Variants in TRRAP observed in about 807,000 individuals in gnomAD.
The protein encoded by TRRAP is transformation/transcription domain associated protein.
In TRRAP, 41 loss-of-function variants were observed where a neutral mutation model predicts 438.8. The ratio of observed to expected loss-of-function variants is 0.09; its 90% CI spans 0.07 to 0.12. The LOEUF (loss-of-function observed/expected upper bound fraction) is 0.12. Ranked by LOEUF, TRRAP falls within the 10% of genes least tolerant of loss-of-function variation. The pLI, the probability that TRRAP is intolerant of heterozygous loss-of-function variation, is 1.00. For synonymous variants in TRRAP, 1,994 were observed against 1,962.9 expected, an observed-to-expected ratio of 1.02 and a Z score of -0.42; for missense variants, 3,122 against 5,055.1, an observed-to-expected ratio of 0.62 and a Z score of 11.60.
intron 3 of TRRAP, among the ~76,000 whole-genome samples, chr7:98,883,395 T>C (rs908518482): frequency 1.2e-4 from 18 of 152,248 alleles, no homozygotes; most frequent in South Asian, 2.1e-4. Flanking sequence ...TCTTCTCTTA[T>C]GTTTTGAACA....
intron 17 of TRRAP, 25 bp downstream of exon 17, chr7:98,911,296 G>T: frequency 6.4e-7 from 1 of 1,561,578 alleles, no homozygotes; most frequent in Non-Finnish European, 8.7e-7. Context: ...TTTTTATGTT[G>T]TTTGAACATT....
chr7:98,902,332 G>GA (rs1277691160), intron 11 of TRRAP, among the ~76,000 whole-genome samples: 1 of 151,928 alleles, frequency 6.6e-6, no homozygotes, highest in Non-Finnish European at 1.5e-5. Flanking sequence ...GAACTTGAAG[G>GA]AAAAAATACC....
At chr7:98,900,897 G>T (rs577718424) in intron 11 of TRRAP, among the ~76,000 whole-genome samples, 177 bp downstream of exon 11, 1 of 152,154 alleles carries the variant, frequency 6.6e-6, no homozygotes, top group African/African-American at 2.4e-5. Context: ...TTTGTTGTCA[G>T]TTTCTTCCCA....
chr7:98,964,977 G>A (rs954600952), intron 48 of TRRAP, among the ~76,000 whole-genome samples: 6 of 152,216 alleles, frequency 3.9e-5, no homozygotes, highest in Non-Finnish European at 7.3e-5. Flanking sequence ...ATTAAGCTGG[G>A]TACGGTGGCA....
chr7:98,883,579 A>G (rs1554403494), intron 3 of TRRAP, among the ~76,000 whole-genome samples: 3 of 152,068 alleles, frequency 2.0e-5, no homozygotes, highest in African/African-American at 7.2e-5. Context: ...CAGTGGTACA[A>G]TTTCAGCTCA....
At chr7:98,969,301 C>T (rs534572000) in intron 51 of TRRAP, among the ~76,000 whole-genome samples, 1 of 152,320 alleles carries the variant, frequency 6.6e-6, no homozygotes, top group African/African-American at 2.4e-5. Flanking sequence ...CCATCTCATC[C>T]CTCTCCCTCC....
At position 98,908,791 on chromosome 7, in the gene TRRAP, C is replaced by T. The variant is rs199527320; in HGVS notation, c.1179C>T (p.Ser393=). The change falls in exon 14 of 73, where the codon AGC becomes AGT. Residue 393 remains serine, a synonymous_variant. Coordinates refer to ENST00000456197, the MANE Select transcript of TRRAP (RefSeq NM_001375524.1). The surrounding 1 kb of genome is among the most constrained non-coding windows in gnomAD (Gnocchi z 4.1). ...ATGTCCGCCAGCACCTGCCCCTCAG[C>T]GACCTCTCCCTCGCCGTCCAGCTCT... ...VHHVRQHLPL[S]DLSLAVQLFA... is the part of the protein sequence containing the mutation. 9.4e-6 allele frequency: 15 copies of T among 1,591,730 alleles called. No individual in the cohort carries two copies. Among genetic ancestry groups the T allele is most frequent in the East Asian group, 2.3e-5 (1 of 43,758 alleles).
intron 61 of TRRAP, 32 bp from the exon 62 acceptor site, chr7:98,984,912 G>T: frequency 6.8e-7 from 1 of 1,468,406 alleles, no homozygotes; most frequent in African/African-American, 1.4e-5. Flanking sequence ...GAAATTTCAA[G>T]AACTTTTTTT....
At position 98,994,173 on chromosome 7, in the gene TRRAP, G is replaced by A. The variant is rs1302857113; in HGVS notation, c.10048-414G>A. Reference sequence around the variant, plus strand: ...ATGACAGAATAGTCCACGCCTCACTGCCCAGATGCTTACCTGGTTGAGCCC... The same window carrying A: ...ATGACAGAATAGTCCACGCCTCACTACCCAGATGCTTACCTGGTTGAGCCC... On this transcript the variant is annotated intron_variant, in intron 66 of 72. Coordinates refer to ENST00000456197, the MANE Select transcript of TRRAP (RefSeq NM_001375524.1). This position sits in a 1 kb window ranked among gnomAD's most constrained non-coding sequence, Gnocchi z 4.8. Among the ~76,000 whole-genome samples the A allele has an allele frequency of 6.6e-6, 1 of 152,148 alleles. No individual in the cohort carries two copies. Among genetic ancestry groups the A allele is most frequent in the Non-Finnish European group, 1.5e-5 (1 of 68,030 alleles).
intron 28 of TRRAP, 82 bp from the exon 29 acceptor site, chr7:98,937,074 A>G (rs1365858132): frequency 6.9e-7 from 1 of 1,454,528 alleles, no homozygotes; most frequent in Non-Finnish European, 9.1e-7. Context: ...CCAAATAATA[A>G]TAATAAATAA....
At chr7:98,902,118 T>A (rs1291914036) in intron 11 of TRRAP, among the ~76,000 whole-genome samples, 4 of 152,260 alleles carry the variant, frequency 2.6e-5, no homozygotes, top group Non-Finnish European at 5.9e-5. Flanking sequence ...ACATGCAGAT[T>A]TTTGTATGGA....
Position 98,949,534 on chromosome 7 carries a change from CCCAGCA to C in TRRAP, c.4916_4921del (p.Ser1639_Thr1640del), listed in dbSNP as rs782137438. On this transcript the variant is annotated inframe_deletion, in exon 36 of 73. Coordinates refer to ENST00000456197, the MANE Select transcript of TRRAP (RefSeq NM_001375524.1). ...CCAGACGGCTGTGCGCCCCGGTTCG[CCCAGCA>C]CCAGCACCATGCGCCTGGACCTCCA... The C allele has an allele frequency of 4.4e-6, 7 of 1,603,026 alleles. No homozygotes were observed. The highest frequency in any genetic ancestry group is 3.3e-4 in the Middle Eastern group (2 of 6,004).
chr7:98,880,554 G>A (rs1251740062), intron 1 of TRRAP, among the ~76,000 whole-genome samples: 1 of 152,062 alleles, frequency 6.6e-6, no homozygotes, highest in Non-Finnish European at 1.5e-5. Context: ...GAGCCACTGC[G>A]CCTGGCCTGC....
Position 98,945,986 on chromosome 7 carries a change from T to C in TRRAP, c.4548+36T>C, listed in dbSNP as rs782446295. The C allele has an allele frequency of 6.3e-6, 9 of 1,417,640 alleles. No homozygotes were observed. In the Admixed American group the frequency reaches 2.1e-4, roughly 34 times the overall value. 87.8% of individuals were successfully genotyped at this position (1,417,640 alleles called of 1,614,324 possible). ...GAGCGGAGCTACAGGAGGGGGTTGT[T>C]GTCGTTGCTGGTTTTGCTGTGACTC... On this transcript the variant is annotated intron_variant, in intron 33 of 72. Transcript: ENST00000456197.
chr7:98,906,037 T>C (rs1796711313), intron 12 of TRRAP, 140 bp from the exon 13 acceptor site: 1 of 608,444 alleles, frequency 1.6e-6, no homozygotes, highest in African/African-American at 1.9e-5. Context: ...CTTGTGCCTT[T>C]CTGGTCTCCT....
At chr7:98,992,981 A>G (rs1748780534) in intron 65 of TRRAP, among the ~76,000 whole-genome samples, 1 of 152,174 alleles carries the variant, frequency 6.6e-6, no homozygotes, top group South Asian at 2.1e-4. Flanking sequence ...AGGTAAATTC[A>G]GAAAAAAATG....
chr7:98,972,066 G>A (rs577710551), intron 53 of TRRAP, 121 bp downstream of exon 53: 7 of 1,351,524 alleles, frequency 5.2e-6, no homozygotes, highest in Middle Eastern at 2.6e-4. Flanking sequence ...TTTTTGAGAT[G>A]GGATGTTGCT....
chr7:98,888,940 A>T (rs949011929), intron 3 of TRRAP, among the ~76,000 whole-genome samples: 4 of 152,018 alleles, frequency 2.6e-5, no homozygotes, highest in African/African-American at 9.7e-5. Flanking sequence ...TGAGCACATG[A>T]TAGGAGTTTA....
intron 51 of TRRAP, 60 bp downstream of exon 51, chr7:98,967,758 C>T: frequency 6.6e-7 from 1 of 1,513,546 alleles, no homozygotes; most frequent in Non-Finnish European, 9.0e-7. Context: ...TGAGTTGGGG[C>T]TCCAAAGCCA....
Sources: allele counts gnomAD v4.1 joint callset (sites outside exome capture counted in the v4.1 genomes callset), GRCh38; gene constraint gnomAD v4.1.1; non-coding constraint Gnocchi (gnomAD v3.1); transcripts MANE v1.5; gene names NCBI Gene and HGNC (gene_info 2026-07-23, HGNC 2026-07-21).